Variants in NRAP observed in about 807,000 individuals in gnomAD.
The protein encoded by NRAP is nebulin-related-anchoring protein.
A neutral mutation model predicts 225.9 loss-of-function variants in NRAP; 189 were observed. That is an observed-to-expected ratio of 0.84 (90% CI 0.74 to 0.94). NRAP has a LOEUF of 0.94. Among genes scored for constraint, NRAP ranks in the 40% least tolerant of loss-of-function variants. The pLI is 0.00. For synonymous variants in NRAP, 769 were observed against 790.7 expected (o/e 0.97, Z 0.46); for missense variants, 2,176 against 2,168.7 (o/e 1.00, Z -0.07).
chr10:113,630,857 C>G (rs17772944), intron 18 of NRAP, among the ~76,000 whole-genome samples: 12,565 of 152,160 alleles, frequency 0.083, 651 homozygotes, highest in South Asian at 0.17. Flanking sequence ...CATAAGTTGG[C>G]CTCACAGCTT....
intron 14 of NRAP, among the ~76,000 whole-genome samples, chr10:113,639,814 T>G (rs1295196049): frequency 2.6e-5 from 4 of 152,224 alleles, no homozygotes; most frequent in Non-Finnish European, 4.4e-5. Context: ...ATAGTACCAC[T>G]TCCTCTCAAC....
intron 6 of NRAP, among the ~76,000 whole-genome samples, chr10:113,652,195 G>T (rs1850019212): frequency 6.6e-6 from 1 of 152,202 alleles, no homozygotes; most frequent in Non-Finnish European, 1.5e-5. Context: ...CAAACGAGAA[G>T]CCAAGAAAGA....
chr10:113,648,457 C>CTATA (rs1849722072), intron 9 of NRAP, among the ~76,000 whole-genome samples: 2 of 125,876 alleles, frequency 1.6e-5, no homozygotes, highest in Non-Finnish European at 3.3e-5. Flanking sequence ...CTCTCTCTCT[C>CTATA]TCTCTCTCTC....
chr10:113,650,991 G>A (rs1205287467), intron 7 of NRAP, among the ~76,000 whole-genome samples: 1 of 152,228 alleles, frequency 6.6e-6, no homozygotes, highest in Non-Finnish European at 1.5e-5. Flanking sequence ...ATTATGCTGT[G>A]CAACATTTGG....
At chr10:113,644,442 T>A (rs949476434) in intron 11 of NRAP, among the ~76,000 whole-genome samples, 1 of 152,232 alleles carries the variant, frequency 6.6e-6, no homozygotes, top group African/African-American at 2.4e-5. Flanking sequence ...ATTATTATAC[T>A]CAACTCTGCC....
intron 35 of NRAP, among the ~76,000 whole-genome samples, chr10:113,603,810 C>G (rs1366139235): frequency 2.0e-5 from 3 of 152,162 alleles, no homozygotes; most frequent in African/African-American, 7.2e-5. Context: ...CTGTCTTTTC[C>G]TTAAGGCTCT....
intron 38 of NRAP, among the ~76,000 whole-genome samples, 156 bp downstream of exon 38, chr10:113,595,467 G>C (rs145723206): frequency 2.6e-5 from 4 of 152,228 alleles, no homozygotes; most frequent in African/African-American, 9.6e-5. Flanking sequence ...TGAGGAAAGT[G>C]ACTGAAAGTC....
chr10:113,623,543 C>G lies in NRAP; in HGVS notation c.2443G>C (p.Asp815His), dbSNP rs746608879. The change falls in exon 23 of 42, where the codon GAC becomes CAC. Residue 815 changes from aspartate to histidine, a missense_variant. Physicochemically the swap from Asp to His is moderately conservative, Grantham distance 81. Around this residue, in one of 3 missense-constraint regions of NRAP, gnomAD observed 1,708 missense variants for 1,695.5 expected, o/e 1.01. Coordinates refer to ENST00000359988, the MANE Select transcript of NRAP (RefSeq NM_198060.4). ...GACAGACTCACCTCGCTAGCCAGGT[C>G]CCTCTTGGCTTTGGCTGCCAGGAAG... ...LTFLAAKAKR[D>H]LASEVKYKED... 1.9e-6 allele frequency: 3 copies of G among 1,612,918 alleles called. No individual in the cohort carries two copies. The South Asian group carries it at 3.3e-5, about 18-fold the overall frequency.
rs1417466314 is a variant in NRAP, at chr10:113,663,405, C to T, written c.114G>A (p.Met38Ile). The T allele has an allele frequency of 6.2e-7, 1 of 1,613,480 alleles. No homozygotes were observed. The highest frequency in any genetic ancestry group is 2.2e-5 in the East Asian group (1 of 44,874). Residue 38 changes from methionine (M) to isoleucine (I), a missense_variant, in exon 2 of 42, where the codon ATG (methionine) becomes ATA (isoleucine). Around this residue, in one of 3 missense-constraint regions of NRAP, gnomAD observed 1,708 missense variants for 1,695.5 expected, o/e 1.01. Transcript: ENST00000359988. ...TCACAAAGTTATTAACAGACAGCAT[C>T]ATCTTGCAAACTTCACAGTGAAAAC... ...KACFHCEVCK[M>I]MLSVNNFVSH...
chr10:113,645,865 A>C lies in NRAP; in HGVS notation c.1070T>G (p.Val357Gly). The part of the protein sequence containing the change: ...YHSLPAQDNL[V>G]LKQAQSVNKL... ...GTTTACGCTCTGAGCCTGTTTGAGA[A>C]CCAAGTTGTCTTGAGCTGGAAGCGA... is the stretch of plus-strand genomic sequence containing the variant. The change falls in exon 11 of 42, where the codon GTT becomes GGT. Residue 357 changes from valine (V) to glycine (G), a missense_variant. Coordinates refer to ENST00000359988, the MANE Select transcript of NRAP (RefSeq NM_198060.4). 1 of 1,610,748 alleles carries C rather than the reference A, an allele frequency of 6.2e-7. No individual in the cohort carries two copies. The highest frequency in any genetic ancestry group is 8.5e-7 in the Non-Finnish European group (1 of 1,177,756).
rs1287376698 is a variant in NRAP, at chr10:113,643,001, T to G, written c.1148A>C (p.His383Pro). The change falls in exon 12 of 42, where the codon CAC becomes CCC. Residue 383 changes from histidine (H) to proline (P), a missense_variant. Physicochemically the swap from His to Pro is moderately conservative, Grantham distance 77 (BLOSUM62 -2). This residue lies in a region of NRAP where 1,708 missense variants were observed against 1,695.5 expected (regional missense o/e 1.01). Transcript: ENST00000359988. ...AGGTGTTTCACAGTAGTTGATACTGTGACCTCTACTACTTTCCAGATCCTT... is the reference window on the plus strand; with the variant it reads ...AGGTGTTTCACAGTAGTTGATACTGGGACCTCTACTACTTTCCAGATCCTT... ...YKKDLESSRG[H>P]SINYCETPQF... 16 of 1,601,800 alleles carry G rather than the reference T, an allele frequency of 1.0e-5. No individual in the cohort carries two copies. Among genetic ancestry groups the G allele is most frequent in the Non-Finnish European group, 1.4e-5 (16 of 1,168,798 alleles).
chr10:113,657,293 T>C (rs1003629478), intron 4 of NRAP, among the ~76,000 whole-genome samples, 177 bp downstream of exon 4: 3 of 152,106 alleles, frequency 2.0e-5, no homozygotes, highest in Non-Finnish European at 2.9e-5. Context: ...CTGGGGAAGA[T>C]AGAGTTCAGG....
At chr10:113,639,196 C>A (rs995473420) in intron 14 of NRAP, among the ~76,000 whole-genome samples, 1 of 151,062 alleles carries the variant, frequency 6.6e-6, no homozygotes, top group African/African-American at 2.4e-5. Context: ...AAAAGAGAAG[C>A]AAAGTTTAGG....
intron 27 of NRAP, 37 bp from the exon 28 acceptor site, chr10:113,614,983 T>C (rs772171032): frequency 8.1e-7 from 1 of 1,242,158 alleles, no homozygotes; most frequent in Non-Finnish European, 1.2e-6. Context: ...GACCTTTAAG[T>C]GACCTGGTGG....
chr10:113,639,700 C>T (rs3127103), intron 14 of NRAP, among the ~76,000 whole-genome samples: 84,282 of 152,018 alleles, frequency 0.55, 24,599 homozygotes, highest in East Asian at 0.73. Context: ...TAATTGATTG[C>T]ACACATTTTG....
intron 11 of NRAP, among the ~76,000 whole-genome samples, chr10:113,643,998 A>C (rs1849355759): frequency 2.6e-5 from 4 of 152,018 alleles, no homozygotes; most frequent in South Asian, 4.2e-4. Context: ...AATACAAAAA[A>C]TTAGCTGGGC....
intron 38 of NRAP, 89 bp downstream of exon 38, chr10:113,595,534 C>CTT: frequency 5.5e-6 from 4 of 723,526 alleles, no homozygotes; most frequent in Non-Finnish European, 9.5e-6. Context: ...CTTCCTAGAA[C>CTT]TTTTTTTTTT....
At chr10:113,623,154 G>A (rs1848093583) in intron 23 of NRAP, among the ~76,000 whole-genome samples, 2 of 152,210 alleles carry the variant, frequency 1.3e-5, no homozygotes, top group Non-Finnish European at 2.9e-5. Flanking sequence ...GATGATAGAG[G>A]TGGGATTTTA....
At chr10:113,643,613 T>C (rs1221049276) in intron 11 of NRAP, among the ~76,000 whole-genome samples, 2 of 152,216 alleles carry the variant, frequency 1.3e-5, no homozygotes, top group Admixed American at 1.3e-4. Context: ...AGTTGGCTAT[T>C]TGAGCTCTCC....
Sources: gnomAD v4.1 joint callset for allele counts (sites outside exome capture counted in the v4.1 genomes callset) on GRCh38, gnomAD v4.1.1 for gene constraint, gnomAD v4.1.1 regional missense constraint, MANE v1.5 for transcripts, NCBI Gene and HGNC (gene_info 2026-07-23, HGNC 2026-07-21) for gene names.